Variants in PTPRN2 observed in about 807,000 individuals in gnomAD.
The protein encoded by PTPRN2 is receptor-type tyrosine-protein phosphatase N2.
Under a neutral mutation model 118.8 loss-of-function variants are expected in PTPRN2, and 74 were observed. That is an observed-to-expected ratio of 0.62 (90% CI 0.52 to 0.76). The LOEUF (loss-of-function observed/expected upper bound fraction) is 0.76, where lower values mean the gene tolerates loss of function less well. Among genes scored for constraint, PTPRN2 ranks in the 30% least tolerant of loss-of-function variants. The pLI is 0.00. For synonymous variants in PTPRN2, 641 were observed against 608.0 expected (o/e 1.05, Z -0.80); for missense variants, 1,481 against 1,394.4 (o/e 1.06, Z -0.99).
At chr7:157,884,853 G>C (rs1796362922) in intron 12 of PTPRN2, among the ~76,000 whole-genome samples, 1 of 152,134 alleles carries the variant, frequency 6.6e-6, no homozygotes, top group Non-Finnish European at 1.5e-5. Context: ...GATGAGATTT[G>C]GGTGGGGACA....
chr7:157,985,772 G>A (rs772344787), intron 11 of PTPRN2, among the ~76,000 whole-genome samples: 12 of 152,210 alleles, frequency 7.9e-5, no homozygotes, highest in Non-Finnish European at 1.2e-4. Flanking sequence ...GGAGGTGCAC[G>A]GAAACCATGC....
chr7:157,831,971 G>A lies in PTPRN2; in HGVS notation c.1788+66702C>T, dbSNP rs1807597984. 2.0e-5 allele frequency among the ~76,000 whole-genome samples: 3 copies of A among 152,372 alleles called. No homozygotes were observed. Among genetic ancestry groups the A allele is most frequent in the Admixed American group, 2.0e-4 (3 of 15,308 alleles). On this transcript the variant is annotated intron_variant, in intron 12 of 22. Coordinates refer to ENST00000389418, the MANE Select transcript of PTPRN2 (RefSeq NM_002847.5). The surrounding 1 kb of genome is among the most constrained non-coding windows in gnomAD (Gnocchi z 4.8). ...AGTTTGTCTGGCAGTTGCTTCGTCT[G>A]CATGAGGAGTGACGGCTGGGCTGCT...
intron 2 of PTPRN2, among the ~76,000 whole-genome samples, chr7:158,378,515 G>A (rs1012840852): frequency 2.0e-5 from 3 of 152,184 alleles, no homozygotes; most frequent in Non-Finnish European, 4.4e-5. Flanking sequence ...TCCCCACAGT[G>A]AGCTGCTCCC....
At position 158,446,307 on chromosome 7, in the gene PTPRN2, T is replaced by C. The variant is rs1817722884; in HGVS notation, c.163+43428A>G. ...GGTAAGAAAAAGTACATTTTAATTT[T>C]ACATTAAATTGAATACTTTCAACTA... On this transcript the variant is annotated intron_variant, in intron 2 of 22. Coordinates refer to ENST00000389418, the MANE Select transcript of PTPRN2 (RefSeq NM_002847.5). Among the ~76,000 whole-genome samples the C allele has an allele frequency of 2.0e-5, 3 of 152,276 alleles. No individual in the cohort carries two copies. In the South Asian group the frequency reaches 6.2e-4, roughly 31 times the overall value.
chr7:157,685,075 G>GCCCCTCGCCT (rs1797111830), intron 12 of PTPRN2, among the ~76,000 whole-genome samples: 1 of 151,842 alleles, frequency 6.6e-6, no homozygotes, highest in Admixed American at 6.6e-5. Flanking sequence ...GCCCCTCGCC[G>GCCCCTCGCCT]CCCCTCGCCC....
rs112891542 is a variant in PTPRN2, at chr7:158,453,248, G to A, written c.163+36487C>T. On this transcript the variant is annotated intron_variant, in intron 2 of 22. Coordinates refer to ENST00000389418, the MANE Select transcript of PTPRN2 (RefSeq NM_002847.5). The stretch of plus-strand genomic sequence containing the variant: ...GAATTGAAAGAGGACAGTCCTCACC[G>A]TACGGTGCAGGGGGCACCACAGGGT... 2.9e-3 allele frequency among the ~76,000 whole-genome samples: 221 copies of A among 75,030 alleles called. 20 individuals are homozygous for A. In the South Asian group the frequency reaches 0.053, roughly 18 times the overall value. The allele number at this position is 75,030 out of a possible 152,430, so 49.2% of individuals were successfully genotyped here. A position where few individuals can be genotyped will look rare whatever the true frequency, so the allele number is the denominator to read the frequency against.
chr7:158,540,627 A>AT (rs1825930976), intron 1 of PTPRN2, among the ~76,000 whole-genome samples: 1 of 152,152 alleles, frequency 6.6e-6, no homozygotes, highest in African/African-American at 2.4e-5. Flanking sequence ...ACCACCCCAC[A>AT]TCCAGACGAG....
At chr7:158,176,114 G>T (rs1824182453) in intron 5 of PTPRN2, among the ~76,000 whole-genome samples, 1 of 152,158 alleles carries the variant, frequency 6.6e-6, no homozygotes. Flanking sequence ...TCTGGCTCCT[G>T]TTTGCGTTTT....
intron 11 of PTPRN2, among the ~76,000 whole-genome samples, chr7:157,933,182 G>A (rs1389941637): frequency 1.4e-5 from 2 of 145,580 alleles, no homozygotes; most frequent in Non-Finnish European, 3.1e-5. Context: ...TAGAGGAAGG[G>A]TGAGTCACTC....
At position 157,780,687 on chromosome 7, in the gene PTPRN2, C is replaced by T. The variant is rs1563101933; in HGVS notation, c.1789-97750G>A. Among the ~76,000 whole-genome samples the T allele has an allele frequency of 6.6e-6, 1 of 152,170 alleles. No homozygotes were observed. The highest frequency in any genetic ancestry group is 1.5e-5 in the Non-Finnish European group (1 of 68,026). On this transcript the variant is annotated intron_variant, in intron 12 of 22. Coordinates refer to ENST00000389418, the MANE Select transcript of PTPRN2 (RefSeq NM_002847.5). This position sits in a 1 kb window ranked among gnomAD's most constrained non-coding sequence, Gnocchi z 4.5. ...CTTCACCCATTTCGCAGGGTGGTCA[C>T]GGGTATTCCCTATGTTGGAATGCAT...
At chr7:158,231,480 A>G (rs1267291566) in intron 3 of PTPRN2, among the ~76,000 whole-genome samples, 2 of 152,216 alleles carry the variant, frequency 1.3e-5, no homozygotes, top group Non-Finnish European at 2.9e-5. Context: ...TAAAACAGAC[A>G]TTAATAGATC....
intron 11 of PTPRN2, among the ~76,000 whole-genome samples, chr7:158,038,458 C>T (rs1808229498): frequency 1.3e-5 from 2 of 151,952 alleles, no homozygotes; most frequent in Admixed American, 6.6e-5. Flanking sequence ...TTTATGAAAT[C>T]ACTAGAGAAA....
chr7:158,008,093 G>A (rs1307443716), intron 11 of PTPRN2, among the ~76,000 whole-genome samples: 16 of 147,990 alleles, frequency 1.1e-4, no homozygotes, highest in Non-Finnish European at 4.5e-5. Flanking sequence ...GTGTGGGTGT[G>A]CTGTGTGTGG....
intron 5 of PTPRN2, among the ~76,000 whole-genome samples, chr7:158,173,001 C>T (rs564848906): frequency 7.4e-5 from 11 of 147,988 alleles, no homozygotes; most frequent in African/African-American, 2.7e-4. Flanking sequence ...CAGCATCCCA[C>T]CAATATCATC....
At chr7:158,444,214 A>G (rs1362919124) in intron 2 of PTPRN2, among the ~76,000 whole-genome samples, 1 of 152,212 alleles carries the variant, frequency 6.6e-6, no homozygotes. Flanking sequence ...CGGAATGTTC[A>G]CAGGCCTGTC....
intron 16 of PTPRN2, among the ~76,000 whole-genome samples, chr7:157,597,484 G>GTGT (rs1554500977): frequency 1.1e-4 from 16 of 145,718 alleles, no homozygotes; most frequent in South Asian, 6.5e-4. Flanking sequence ...GTGTGTGTGT[G>GTGT]TTTTTTTTTT....
chr7:158,070,853 G>A, intron 11 of PTPRN2, among the ~76,000 whole-genome samples: 1 of 124,704 alleles, frequency 8.0e-6, no homozygotes, highest in Admixed American at 7.9e-5. Flanking sequence ...GTGGTATGGA[G>A]GTGCCCGTGG....
At chr7:158,142,205 C>A (rs1430923231) in intron 6 of PTPRN2, among the ~76,000 whole-genome samples, 1 of 152,234 alleles carries the variant, frequency 6.6e-6, no homozygotes, top group African/African-American at 2.4e-5. Context: ...CGATCCGGAG[C>A]CCACGCCCGC....
chr7:157,818,276 C>T (rs1806562689), intron 12 of PTPRN2, among the ~76,000 whole-genome samples: 1 of 151,924 alleles, frequency 6.6e-6, no homozygotes, highest in African/African-American at 2.4e-5. Context: ...GTGGTAGATG[C>T]CGGCAGTGTG....
Sources: gnomAD v4.1 joint callset for allele counts (sites outside exome capture counted in the v4.1 genomes callset) on GRCh38, gnomAD v4.1.1 for gene constraint, Gnocchi (gnomAD v3.1) non-coding constraint, MANE v1.5 for transcripts, NCBI Gene and HGNC (gene_info 2026-07-23, HGNC 2026-07-21) for gene names.